UNC80: variants seen among roughly 807,000 people sequenced by gnomAD.
UNC80 encodes protein unc-80 homolog.
Under a neutral mutation model 384.6 loss-of-function variants are expected in UNC80, and 164 were observed. That is an observed-to-expected ratio of 0.43 (90% CI 0.38 to 0.49). The LOEUF (loss-of-function observed/expected upper bound fraction) is 0.49. UNC80 is among the 20% of genes least tolerant of loss of function. The pLI, the probability that UNC80 is intolerant of heterozygous loss-of-function variation, is 0.00. For synonymous variants in UNC80, 1,486 were observed against 1,527.8 expected (o/e 0.97, Z 0.64); for missense variants, 3,330 against 4,143.0 (o/e 0.80, Z 5.39).
intron 58 of UNC80, among the ~76,000 whole-genome samples, chr2:209,977,850 C>T (rs777889032): frequency 6.6e-6 from 1 of 152,102 alleles, no homozygotes; most frequent in Non-Finnish European, 1.5e-5. Context: ...AGTCATTACC[C>T]ACAAGTAAAA....
intron 47 of UNC80, among the ~76,000 whole-genome samples, 169 bp from the exon 48 acceptor site, chr2:209,953,931 T>C (rs2092303908): frequency 1.3e-5 from 2 of 152,252 alleles, no homozygotes; most frequent in Non-Finnish European, 2.9e-5. Context: ...AATTAATAAT[T>C]GTTGGTCAAC....
chr2:209,935,577 A>C, intron 39 of UNC80, 137 bp from the exon 40 acceptor site: 1 of 363,832 alleles, frequency 2.7e-6, no homozygotes, highest in Non-Finnish European at 5.0e-6. Flanking sequence ...TAAATAAAAT[A>C]TATATGTAAC....
At position 209,978,712 on chromosome 2, in the gene UNC80, G is replaced by T. The variant is rs564603414; in HGVS notation, c.9118+4G>T. On this transcript the variant is annotated splice_donor_region_variant and intron_variant, in intron 59 of 64. Coordinates refer to ENST00000673920, the MANE Select transcript of UNC80 (RefSeq NM_001371986.1). ...ACTGATGAGGAAGATGAGGAAAGTAGGTCATTCCAGAGAATCTGGGCAGTA... is the reference window on the plus strand; with the variant it reads ...ACTGATGAGGAAGATGAGGAAAGTATGTCATTCCAGAGAATCTGGGCAGTA... The T allele has an allele frequency of 1.6e-5, 25 of 1,523,726 alleles. No individual in the cohort carries two copies. Among genetic ancestry groups the T allele is most frequent in the Non-Finnish European group, 2.1e-5 (24 of 1,126,032 alleles). 94.4% of individuals were successfully genotyped at this position (1,523,726 alleles called of 1,614,324 possible). A position where few individuals can be genotyped will look rare whatever the true frequency, so the allele number is the denominator to read the frequency against.
chr2:209,893,193 A>G (rs1458680912), intron 26 of UNC80, among the ~76,000 whole-genome samples: 1 of 152,230 alleles, frequency 6.6e-6, no homozygotes, highest in Non-Finnish European at 1.5e-5. Flanking sequence ...ACTGTGCCTT[A>G]AATAATTAGT....
At chr2:209,969,746 T>A in intron 52 of UNC80, 22 bp from the exon 53 acceptor site, 1 of 1,551,456 alleles carries the variant, frequency 6.4e-7, no homozygotes, top group South Asian at 1.2e-5. Flanking sequence ...AAGACGCTAA[T>A]GGCGCCTATA....
intron 4 of UNC80, among the ~76,000 whole-genome samples, chr2:209,781,203 A>G (rs573593911): frequency 6.6e-6 from 1 of 152,100 alleles, no homozygotes; most frequent in South Asian, 2.1e-4. Flanking sequence ...TCTTGCTTCT[A>G]TTTGCCTCTA....
chr2:209,936,786 C>A, intron 40 of UNC80, 58 bp from the exon 41 acceptor site: 1 of 1,224,038 alleles, frequency 8.2e-7, no homozygotes, highest in Non-Finnish European at 1.2e-6. Flanking sequence ...CACCTTACTA[C>A]CTAGCACATA....
intron 33 of UNC80, among the ~76,000 whole-genome samples, chr2:209,920,745 T>C (rs2089967287): frequency 6.6e-6 from 1 of 152,194 alleles, no homozygotes; most frequent in South Asian, 2.1e-4. Context: ...TATAACTAAC[T>C]GGCTTATATG....
At chr2:209,972,916 G>A (rs1420634401) in intron 55 of UNC80, 148 bp from the exon 56 acceptor site, 4 of 689,996 alleles carry the variant, frequency 5.8e-6, no homozygotes, top group East Asian at 2.7e-5. Flanking sequence ...CTGTCCATTG[G>A]TGAAGCTGTA....
intron 26 of UNC80, among the ~76,000 whole-genome samples, chr2:209,891,561 A>G (rs1219578038): frequency 6.6e-6 from 1 of 152,160 alleles, no homozygotes; most frequent in Non-Finnish European, 1.5e-5. Context: ...AAAATAAAAT[A>G]TCTGATTAAT....
chr2:209,885,659 T>A (rs2085727847), intron 25 of UNC80, among the ~76,000 whole-genome samples: 1 of 152,106 alleles, frequency 6.6e-6, no homozygotes, highest in African/African-American at 2.4e-5. Context: ...AGTTCCTATA[T>A]TTTTCTGGGT....
intron 24 of UNC80, among the ~76,000 whole-genome samples, chr2:209,878,951 A>C (rs1234714062): frequency 1.3e-5 from 2 of 152,214 alleles, no homozygotes; most frequent in African/African-American, 4.8e-5. Context: ...GAAATGTAAA[A>C]GAATGGATGG....
At chr2:209,953,704 G>A (rs1022276283) in intron 47 of UNC80, among the ~76,000 whole-genome samples, 2 of 152,116 alleles carry the variant, frequency 1.3e-5, no homozygotes, top group Non-Finnish European at 2.9e-5. Context: ...AGGGTTTTAT[G>A]TTGTCTCAAA....
At chr2:209,932,064 A>T (rs1006555241) in intron 38 of UNC80, among the ~76,000 whole-genome samples, 3 of 152,104 alleles carry the variant, frequency 2.0e-5, no homozygotes, top group Admixed American at 2.0e-4. Context: ...CATGTTCTTA[A>T]GTCTGGCTGG....
intron 28 of UNC80, among the ~76,000 whole-genome samples, chr2:209,898,760 C>G (rs541091162): frequency 6.6e-6 from 1 of 152,168 alleles, no homozygotes; most frequent in African/African-American, 2.4e-5. Context: ...TCTCCCTCAA[C>G]CCCCTACTAC....
At chr2:209,926,015 T>A (rs1456622506) in intron 35 of UNC80, among the ~76,000 whole-genome samples, 1 of 152,244 alleles carries the variant, frequency 6.6e-6, no homozygotes, top group Non-Finnish European at 1.5e-5. Flanking sequence ...CTTCCTTGCC[T>A]ACTAAATCTA....
rs1312332517 is a variant in UNC80, at chr2:209,995,564, C to T, written c.9944C>T (p.Thr3315Met). ...TTTACTCCCACTGAGCTGGGGAAAA[C>T]GGATGCAGTATTAGATGAGTCTCAT... Reference protein sequence around the residue: ...FTFTPTELGKTDAVLDESHV With the variant: ...FTFTPTELGKMDAVLDESHV The change falls in exon 65 of 65, where the codon ACG becomes ATG. Residue 3315 changes from threonine (T) to methionine (M), a missense_variant. Thr to Met is a moderately conservative substitution (Grantham distance 81). Coordinates refer to ENST00000673920, the MANE Select transcript of UNC80 (RefSeq NM_001371986.1). The T allele has an allele frequency of 9.7e-6, 15 of 1,551,924 alleles. No individual in the cohort carries two copies. Among genetic ancestry groups the T allele is most frequent in the Non-Finnish European group, 1.2e-5 (14 of 1,147,086 alleles).
chr2:209,790,611 G>A (rs2077736002), intron 6 of UNC80, among the ~76,000 whole-genome samples: 1 of 152,038 alleles, frequency 6.6e-6, no homozygotes, highest in African/African-American at 2.4e-5. Context: ...GCATCATCAG[G>A]GTCAGTGGAT....
In UNC80 at chr2:209,913,831, T is replaced by C. The variant is rs1437474015; in HGVS notation, c.4920T>C (p.Ser1640=). Residue 1640 remains serine (S), a synonymous_variant, in exon 31 of 65, where the codon TCT becomes TCC. Transcript: ENST00000673920. ...QVMSLSPAPL[S]LLIKAAPILT... Reference sequence around the variant, plus strand: ...TGAGCTTGTCGCCTGCTCCCTTATCTCTGTTAATCAAGGCAGCACCAATTC... The same window carrying C: ...TGAGCTTGTCGCCTGCTCCCTTATCCCTGTTAATCAAGGCAGCACCAATTC... The C allele has an allele frequency of 6.4e-6, 10 of 1,550,658 alleles. No homozygotes were observed. The highest frequency in any genetic ancestry group is 1.7e-4 in the Middle Eastern group (1 of 5,984).
Sources: gnomAD v4.1 joint callset for allele counts (sites outside exome capture counted in the v4.1 genomes callset) on GRCh38, gnomAD v4.1.1 for gene constraint, MANE v1.5 for transcripts, NCBI Gene and HGNC (gene_info 2026-07-23, HGNC 2026-07-21) for gene names.